Variants in IL2RA observed in about 807,000 individuals in gnomAD.
IL2RA encodes the protein interleukin-2 receptor subunit alpha.
IL2RA carries 24 observed loss-of-function variants against 37.8 expected under a neutral mutation model. The ratio of observed to expected loss-of-function variants is 0.63; its 90% CI spans 0.46 to 0.89. The LOEUF is 0.89. IL2RA is among the 40% of genes least tolerant of loss of function. IL2RA has a pLI of 0.00. For synonymous variants in IL2RA, 125 were observed against 114.6 expected, an observed-to-expected ratio of 1.09 and a Z score of -0.58; for missense variants, 319 against 348.6, an observed-to-expected ratio of 0.92 and a Z score of 0.68.
rs1839386910 is a variant in IL2RA, at chr10:6,021,537, G to A, written c.524C>T (p.Thr175Ile). The A allele has an allele frequency of 6.2e-7, 1 of 1,614,010 alleles. No homozygotes were observed. Among genetic ancestry groups the A allele is most frequent in the South Asian group, 1.1e-5 (1 of 91,078 alleles). Residue 175 changes from threonine (T) to isoleucine (I), a missense_variant, in exon 4 of 8, where the codon ACA becomes ATA. Coordinates refer to ENST00000379959, the MANE Select transcript of IL2RA (RefSeq NM_000417.3). This position sits in a 1 kb window ranked among gnomAD's most constrained non-coding sequence, Gnocchi z 4.9. ...ESVCKMTHGKTRWTQPQLICT... is the reference protein window; with the variant it reads ...ESVCKMTHGKIRWTQPQLICT... ...TATGAGCTGGGGCTGGGTCCACCTT[G>A]TCTTCCCGTGGGTCATTTTGCAGAC...
At position 6,035,104 on chromosome 10, in the gene IL2RA, C is replaced by T. The variant is rs1443078360; in HGVS notation, c.65-9079G>A. Among the ~76,000 whole-genome samples, 1 of 152,166 alleles carries T rather than the reference C, an allele frequency of 6.6e-6. No individual in the cohort carries two copies. Among genetic ancestry groups the T allele is most frequent in the Non-Finnish European group, 1.5e-5 (1 of 68,018 alleles). On this transcript the variant is annotated intron_variant, in intron 1 of 7. Coordinates refer to ENST00000379959, the MANE Select transcript of IL2RA (RefSeq NM_000417.3). The surrounding 1 kb of genome is among the most constrained non-coding windows in gnomAD (Gnocchi z 5.4). ...CTCCCCACCCTGCACTAGGGTCTCA[C>T]ACAAAGGGGTTGGCACAGGGCTGAG...
intron 1 of IL2RA, among the ~76,000 whole-genome samples, chr10:6,026,333 G>T (rs563898282): frequency 2.6e-5 from 4 of 152,222 alleles, no homozygotes; most frequent in South Asian, 4.2e-4. Flanking sequence ...GAGAGAGGAG[G>T]GTCAAGGAAT....
Position 6,048,838 on chromosome 10 carries a change from A to G in IL2RA, c.64+13250T>C, listed in dbSNP as rs550174733. Among the ~76,000 whole-genome samples the G allele has an allele frequency of 5.9e-5, 9 of 152,344 alleles. No individual in the cohort carries two copies. The highest frequency in any genetic ancestry group is 5.2e-4 in the Admixed American group (8 of 15,304). On this transcript the variant is annotated intron_variant, in intron 1 of 7. Coordinates refer to ENST00000379959, the MANE Select transcript of IL2RA (RefSeq NM_000417.3). The surrounding 1 kb of genome is among the most constrained non-coding windows in gnomAD (Gnocchi z 5.3). ...TCCTTCCAGGACACAGTTTAAGCCCAGTGACATGGGGAGACTCCAAGACAC... is the reference window on the plus strand; with the variant it reads ...TCCTTCCAGGACACAGTTTAAGCCCGGTGACATGGGGAGACTCCAAGACAC...
rs1006100820 is a variant in IL2RA at position 6,048,891 on chromosome 10, C to T, written c.64+13197G>A. On this transcript the variant is annotated intron_variant, in intron 1 of 7. Transcript: ENST00000379959. The surrounding 1 kb of genome is among the most constrained non-coding windows in gnomAD (Gnocchi z 5.3). ...CTCATGCCCAACTTCAAAATCTCTG[C>T]TTCCACTATGTGCCTGAGCTCTCCT... is the stretch of plus-strand genomic sequence containing the variant. Among the ~76,000 whole-genome samples, 2 of 152,240 alleles carry T rather than the reference C, an allele frequency of 1.3e-5. No individual in the cohort carries two copies. Among genetic ancestry groups the T allele is most frequent in the Non-Finnish European group, 2.9e-5 (2 of 68,042 alleles).
Position 6,022,085 on chromosome 10 carries a change from C to G in IL2RA, c.368-392G>C, listed in dbSNP as rs1482050019. On this transcript the variant is annotated intron_variant, in intron 3 of 7. Coordinates refer to ENST00000379959, the MANE Select transcript of IL2RA (RefSeq NM_000417.3). This position sits in a 1 kb window ranked among gnomAD's most constrained non-coding sequence, Gnocchi z 4.7. ...ACAGGAGTGGGCGGGGCAGTCTCAG[C>G]TGAGACACAAGGGTAGGCTCAAGCC... Among the ~76,000 whole-genome samples the G allele has an allele frequency of 1.3e-5, 2 of 151,974 alleles. No individual in the cohort carries two copies. The highest frequency in any genetic ancestry group is 2.9e-5 in the Non-Finnish European group (2 of 68,014).
At chr10:6,042,167 A>AAAAAAAAAC (rs1564549506) in intron 1 of IL2RA, among the ~76,000 whole-genome samples, 1 of 149,122 alleles carries the variant, frequency 6.7e-6, no homozygotes, top group East Asian at 1.9e-4. Context: ...AAAAAAAAAA[A>AAAAAAAAAC]ATTCTGATCA....
In IL2RA at chr10:6,033,364, A is replaced by C. The variant is rs1839631966; in HGVS notation, c.65-7339T>G. On this transcript the variant is annotated intron_variant, in intron 1 of 7. Coordinates refer to ENST00000379959, the MANE Select transcript of IL2RA (RefSeq NM_000417.3). This position sits in a 1 kb window ranked among gnomAD's most constrained non-coding sequence, Gnocchi z 4.3. ...AAGAAAGTATTTTTATTGACGTTAAATATATACCTGCCCTACAATTCAGCA... is the reference window on the plus strand; with the variant it reads ...AAGAAAGTATTTTTATTGACGTTAACTATATACCTGCCCTACAATTCAGCA... Among the ~76,000 whole-genome samples, 1 of 152,200 alleles carries C rather than the reference A, an allele frequency of 6.6e-6. No homozygotes were observed. Among genetic ancestry groups the C allele is most frequent in the South Asian group, 2.1e-4 (1 of 4,834 alleles).
chr10:6,046,031 C>T lies in IL2RA; in HGVS notation c.64+16057G>A, dbSNP rs890309607. Among the ~76,000 whole-genome samples, 5 of 152,280 alleles carry T rather than the reference C, an allele frequency of 3.3e-5. No individual in the cohort carries two copies. The highest frequency in any genetic ancestry group is 1.9e-4 in the East Asian group (1 of 5,178). On this transcript the variant is annotated intron_variant, in intron 1 of 7. Coordinates refer to ENST00000379959, the MANE Select transcript of IL2RA (RefSeq NM_000417.3). This position sits in a 1 kb window ranked among gnomAD's most constrained non-coding sequence, Gnocchi z 4.8. Reference sequence around the variant, plus strand: ...CTAATTGTCAGGCTGACCAAGCCCACGTGTCCAGAACCCTCTCCAGAGCTC... The same window carrying T: ...CTAATTGTCAGGCTGACCAAGCCCATGTGTCCAGAACCCTCTCCAGAGCTC...
In IL2RA at chr10:6,011,921, T is replaced by G. The variant is rs1839197357; in HGVS notation, c.*951A>C. 1 of 152,400 alleles carries G rather than the reference T, an allele frequency of 6.6e-6. No individual in the cohort carries two copies. The highest frequency in any genetic ancestry group is 2.4e-5 in the African/African-American group (1 of 41,452). 9.4% of individuals were successfully genotyped at this position (152,400 alleles called of 1,614,324 possible). ...CTCTTCACTTCCTTCTTTCTTTCCT[T>G]CCTTGCATAAACATTGAATGTACGG... is the stretch of plus-strand genomic sequence containing the variant. On this transcript the variant is annotated 3_prime_UTR_variant, in exon 8 of 8. Coordinates refer to ENST00000379959, the MANE Select transcript of IL2RA (RefSeq NM_000417.3). The surrounding 1 kb of genome is among the most constrained non-coding windows in gnomAD (Gnocchi z 5.2).
Position 6,021,399 on chromosome 10 carries a change from A to C in IL2RA, c.583+79T>G, listed in dbSNP as rs778316526. 6.5e-5 allele frequency: 74 copies of C among 1,143,444 alleles called. No homozygotes were observed. The highest frequency in any genetic ancestry group is 1.3e-4 in the Admixed American group (8 of 59,390). 70.8% of individuals were successfully genotyped at this position (1,143,444 alleles called of 1,614,324 possible). A position where few individuals can be genotyped will look rare whatever the true frequency, so the allele number is the denominator to read the frequency against. On this transcript the variant is annotated intron_variant, in intron 4 of 7. Coordinates refer to ENST00000379959, the MANE Select transcript of IL2RA (RefSeq NM_000417.3). This position sits in a 1 kb window ranked among gnomAD's most constrained non-coding sequence, Gnocchi z 4.9. ...TGTCCAAGGACCACTCTTGTCCAGC[A>C]GGAGTGGTCAGGGATTCCACTCTGG... is the stretch of plus-strand genomic sequence containing the variant.
At chr10:6,037,050 G>A (rs952167638) in intron 1 of IL2RA, among the ~76,000 whole-genome samples, 2 of 152,118 alleles carry the variant, frequency 1.3e-5, no homozygotes, top group Non-Finnish European at 2.9e-5. Flanking sequence ...TGCTCTCTCT[G>A]CCCCCTCTCC....
chr10:6,045,579 G>C (rs1255893609), intron 1 of IL2RA, among the ~76,000 whole-genome samples: 1 of 152,106 alleles, frequency 6.6e-6, no homozygotes, highest in Non-Finnish European at 1.5e-5. Context: ...TAAAATAAAA[G>C]TTATCAGATT....
intron 5 of IL2RA, 132 bp from the exon 6 acceptor site, chr10:6,019,631 GA>G (rs1486527086): frequency 3.7e-6 from 3 of 802,076 alleles, no homozygotes; most frequent in Non-Finnish European, 6.6e-6. Context: ...GGTGGTGAGG[GA>G]AGGTGTTCCA....
At chr10:6,026,972 C>G (rs1015982999) in intron 1 of IL2RA, among the ~76,000 whole-genome samples, 1 of 152,160 alleles carries the variant, frequency 6.6e-6, no homozygotes, top group Non-Finnish European at 1.5e-5. Context: ...GCACCTTGTC[C>G]TCCGGAAGAC....
Position 6,025,285 on chromosome 10 carries a change from T to G in IL2RA, c.256+549A>C, listed in dbSNP as rs1163578693. Among the ~76,000 whole-genome samples, 3 of 148,976 alleles carry G rather than the reference T, an allele frequency of 2.0e-5. No homozygotes were observed. The highest frequency in any genetic ancestry group is 4.5e-5 in the Non-Finnish European group (3 of 67,256). Reference sequence around the variant, plus strand: ...ACAAGATTCACTTGAACCCAGGAGGTGGAGGTTGCAGTGATCTGAGATTGT... The same window carrying G: ...ACAAGATTCACTTGAACCCAGGAGGGGGAGGTTGCAGTGATCTGAGATTGT... On this transcript the variant is annotated intron_variant, in intron 2 of 7. Transcript: ENST00000379959. The surrounding 1 kb of genome is among the most constrained non-coding windows in gnomAD (Gnocchi z 4.4).
In IL2RA at chr10:6,062,250, A is replaced by G; in HGVS notation, c.-99T>C. The stretch of plus-strand genomic sequence containing the variant: ...CCTCTTTTTGGCATCGCGCCGGAGG[A>G]TGTGGGATGGGAAGATCGGTCCGCC... On this transcript the variant is annotated 5_prime_UTR_variant, in exon 1 of 8. Transcript: ENST00000379959. 1 of 1,014,582 alleles carries G rather than the reference A, an allele frequency of 9.9e-7. No homozygotes were observed. The highest frequency in any genetic ancestry group is 1.8e-5 in the Admixed American group (1 of 55,220). 62.8% of individuals were successfully genotyped at this position (1,014,582 alleles called of 1,614,324 possible).
Position 6,062,324 on chromosome 10 carries a change from T to C in IL2RA, c.-173A>G, listed in dbSNP as rs1006972347. On this transcript the variant is annotated 5_prime_UTR_variant, in exon 1 of 8. Coordinates refer to ENST00000379959, the MANE Select transcript of IL2RA (RefSeq NM_000417.3). ...ATCCAGTCTCTATCGGAGTCAGGAG[T>C]TGCTCTCTTTAAGTATTGGGCTGGC... The C allele has an allele frequency of 8.2e-6, 5 of 609,462 alleles. No homozygotes were observed. Among genetic ancestry groups the C allele is most frequent in the Admixed American group, 2.6e-5 (1 of 39,104 alleles). The allele number at this position is 609,462 out of a possible 1,614,324, so 37.8% of individuals were successfully genotyped here. A position where few individuals can be genotyped will look rare whatever the true frequency, so the allele number is the denominator to read the frequency against.
In IL2RA at chr10:6,062,268, G is replaced by A. The variant is rs561243975; in HGVS notation, c.-117C>T. On this transcript the variant is annotated 5_prime_UTR_variant, in exon 1 of 8. Transcript: ENST00000379959. ...CCGGAGGATGTGGGATGGGAAGATCGGTCCGCCTGGGCTGTCACCCTTGTG... is the reference window on the plus strand; with the variant it reads ...CCGGAGGATGTGGGATGGGAAGATCAGTCCGCCTGGGCTGTCACCCTTGTG... 3.6e-4 allele frequency: 294 copies of A among 826,742 alleles called. No individual in the cohort carries two copies. The highest frequency in any genetic ancestry group is 5.2e-4 in the Non-Finnish European group (254 of 487,260). The allele number at this position is 826,742 out of a possible 1,614,324, so 51.2% of individuals were successfully genotyped here. A position where few individuals can be genotyped will look rare whatever the true frequency, so the allele number is the denominator to read the frequency against.
In IL2RA at chr10:6,022,755, A is replaced by G. The variant is rs968554435; in HGVS notation, c.368-1062T>C. 4.6e-5 allele frequency among the ~76,000 whole-genome samples: 7 copies of G among 152,358 alleles called. No homozygotes were observed. The highest frequency in any genetic ancestry group is 7.2e-5 in the African/African-American group (3 of 41,586). On this transcript the variant is annotated intron_variant, in intron 3 of 7. Coordinates refer to ENST00000379959, the MANE Select transcript of IL2RA (RefSeq NM_000417.3). The surrounding 1 kb of genome is among the most constrained non-coding windows in gnomAD (Gnocchi z 4.7). Reference sequence around the variant, plus strand: ...TTTGAATTGGGTTTGCTTCTTTCCAATGAAAACACCCAAACTGAGACAATC... The same window carrying G: ...TTTGAATTGGGTTTGCTTCTTTCCAGTGAAAACACCCAAACTGAGACAATC...
Sources: allele counts gnomAD v4.1 joint callset (sites outside exome capture counted in the v4.1 genomes callset), GRCh38; gene constraint gnomAD v4.1.1; non-coding constraint Gnocchi (gnomAD v3.1); transcripts MANE v1.5; gene names NCBI Gene and HGNC (gene_info 2026-07-23, HGNC 2026-07-21).